The following EIF2AK1 variants were observed in gnomAD, a reference collection of about 807,000 sequenced individuals.
EIF2AK1 encodes eukaryotic translation initiation factor 2 alpha kinase 1, also known as eukaryotic translation initiation factor 2-alpha kinase 1.
In EIF2AK1, 54 loss-of-function variants were observed where a neutral mutation model predicts 77.9. The ratio of observed to expected loss-of-function variants is 0.69; its 90% CI spans 0.56 to 0.87. EIF2AK1 has a LOEUF of 0.87. EIF2AK1 is among the 40% of genes least tolerant of loss of function. EIF2AK1 has a pLI of 0.00. For synonymous variants in EIF2AK1, 314 were observed against 290.5 expected (o/e 1.08, Z -0.82); for missense variants, 810 against 768.6 (o/e 1.05, Z -0.64).
At position 6,047,074 on chromosome 7, in the gene EIF2AK1, A is replaced by T; in HGVS notation, c.467T>A (p.Leu156Ter). Reference sequence around the variant, plus strand: ...TAAGTAACGTGAAGTTTGTGCTTCCAAGGCTACTTCCCTTGATCTGAAAGT... The same window carrying T: ...TAAGTAACGTGAAGTTTGTGCTTCCTAGGCTACTTCCCTTGATCTGAAAGT... ...IQKIRSREVA[L>*]EAQTSRYLNE... The change falls in exon 5 of 15, where the codon TTG becomes TAG. Residue 156 changes from leucine to a stop codon, truncating the protein, a stop_gained. Coordinates refer to ENST00000199389, the MANE Select transcript of EIF2AK1 (RefSeq NM_014413.4). LOFTEE classifies it high-confidence loss of function. 6.2e-7 allele frequency: 1 copy of T among 1,613,018 alleles called. No individual in the cohort carries two copies. The highest frequency in any genetic ancestry group is 8.5e-7 in the Non-Finnish European group (1 of 1,179,710).
chr7:6,047,242 C>T (rs1434530928), intron 4 of EIF2AK1, 151 bp from the exon 5 acceptor site: 4 of 835,576 alleles, frequency 4.8e-6, no homozygotes, highest in South Asian at 1.4e-5. Context: ...TGAAATTTTT[C>T]ATCCCTATGA....
At chr7:6,046,726 AC>A (rs1562754822) in intron 5 of EIF2AK1, 2 of 281,376 alleles carry the variant, frequency 7.1e-6, no homozygotes, top group Non-Finnish European at 1.3e-5. Flanking sequence ...ACACGGTGAA[AC>A]CCCGTCTCTA....
In EIF2AK1 at chr7:6,035,613, C is replaced by T; in HGVS notation, c.1332+1811G>A. ...TGCGCACGGAGCTCAAGTGAACACT[C>T]AAGGGGAAATCAGCAACAAACGTTC... On this transcript the variant is annotated intron_variant, in intron 11 of 14. Transcript: ENST00000199389. This position sits in a 1 kb window ranked among gnomAD's most constrained non-coding sequence, Gnocchi z 5.5. 1 of 1,550,932 alleles carries T rather than the reference C, an allele frequency of 6.4e-7. No homozygotes were observed. The highest frequency in any genetic ancestry group is 8.7e-7 in the Non-Finnish European group (1 of 1,147,102).
At chr7:6,039,495 G>A (rs1788228681) in intron 9 of EIF2AK1, among the ~76,000 whole-genome samples, 1 of 151,882 alleles carries the variant, frequency 6.6e-6, no homozygotes, top group African/African-American at 2.4e-5. Flanking sequence ...AGTGGCGCGT[G>A]CCTGTAATCC....
Position 6,023,674 on chromosome 7 carries a change from C to T in EIF2AK1, c.*999G>A, listed in dbSNP as rs751316385. 2 of 1,614,000 alleles carry T rather than the reference C, an allele frequency of 1.2e-6. No homozygotes were observed. Among genetic ancestry groups the T allele is most frequent in the African/African-American group, 2.7e-5 (2 of 74,892 alleles). ...AAACCTGGCTCCTTTTAACACGGCC[C>T]TCAAGCTCCTTAAGTGAATTGCCGT... On this transcript the variant is annotated 3_prime_UTR_variant, in exon 15 of 15. Transcript: ENST00000199389.
At position 6,022,546 on chromosome 7, in the gene EIF2AK1, T is replaced by C. The variant is rs1787502546; in HGVS notation, c.*2127A>G. ...GACATTCTGTGGCATACTGGCCACA[T>C]AGCGATTTGCATCAGGTCAGATATT... On this transcript the variant is annotated 3_prime_UTR_variant, in exon 15 of 15. Transcript: ENST00000199389. 6.6e-6 allele frequency: 1 copy of C among 152,212 alleles called. No individual in the cohort carries two copies. The highest frequency in any genetic ancestry group is 2.1e-4 in the South Asian group (1 of 4,834). 9.4% of individuals were successfully genotyped at this position (152,212 alleles called of 1,614,324 possible).
chr7:6,057,121 C>T (rs1354148017), intron 1 of EIF2AK1, among the ~76,000 whole-genome samples: 1 of 146,130 alleles, frequency 6.8e-6, no homozygotes, highest in Non-Finnish European at 1.5e-5. Context: ...AAGGAGACCC[C>T]ATCTCTTTTT....
At chr7:6,054,018 T>C (rs529837283) in intron 2 of EIF2AK1, among the ~76,000 whole-genome samples, 69 of 151,948 alleles carry the variant, frequency 4.5e-4, no homozygotes, top group African/African-American at 1.6e-3. Context: ...TTGTTGACTG[T>C]AGTCACTCTG....
In EIF2AK1 at chr7:6,032,829, C is replaced by A. The variant is rs1583480071; in HGVS notation, c.1333-3797G>T. ...GGCCACTTGTAATGTGTTTTGTTTT[C>A]CCTCCAAAGCCGACAGAGTCTATCA... On this transcript the variant is annotated intron_variant, in intron 11 of 14. Transcript: ENST00000199389. The surrounding 1 kb of genome is among the most constrained non-coding windows in gnomAD (Gnocchi z 4.3). 1 of 1,548,752 alleles carries A rather than the reference C, an allele frequency of 6.5e-7. No individual in the cohort carries two copies. Among genetic ancestry groups the A allele is most frequent in the East Asian group, 2.4e-5 (1 of 40,906 alleles).
rs942001576 is a variant in EIF2AK1 at position 6,035,616 on chromosome 7, G to A, written c.1332+1808C>T. 2.6e-6 allele frequency: 4 copies of A among 1,550,930 alleles called. No individual in the cohort carries two copies. In the South Asian group the frequency reaches 4.8e-5, roughly 18 times the overall value. On this transcript the variant is annotated intron_variant, in intron 11 of 14. Coordinates refer to ENST00000199389, the MANE Select transcript of EIF2AK1 (RefSeq NM_014413.4). This position sits in a 1 kb window ranked among gnomAD's most constrained non-coding sequence, Gnocchi z 5.5. ...GCACGGAGCTCAAGTGAACACTCAA[G>A]GGGAAATCAGCAACAAACGTTCACC...
intron 2 of EIF2AK1, 110 bp from the exon 3 acceptor site, chr7:6,050,155 C>T: frequency 1.2e-6 from 1 of 818,162 alleles, no homozygotes; most frequent in East Asian, 2.8e-5. Context: ...ACAAAAACCT[C>T]AATAGGAAAA....
At chr7:6,043,069 T>C (rs1288730161) in intron 7 of EIF2AK1, 76 bp from the exon 8 acceptor site, 23 of 1,398,370 alleles carry the variant, frequency 1.6e-5, no homozygotes, top group South Asian at 1.2e-5. Flanking sequence ...AGTTAAAATA[T>C]ACAAATAGTG....
intron 2 of EIF2AK1, among the ~76,000 whole-genome samples, chr7:6,051,558 TAGCTGGGATTACAGGCACCC>T (rs1233726784): frequency 6.6e-6 from 1 of 151,980 alleles, no homozygotes; most frequent in East Asian, 1.9e-4. Flanking sequence ...CCCTCCCAAG[TAGCTGGGATTACAGGCACCC>T]GCCAACATAC....
At position 6,044,604 on chromosome 7, in the gene EIF2AK1, G is replaced by C; in HGVS notation, c.688C>G (p.His230Asp). The C allele has an allele frequency of 6.2e-7, 1 of 1,614,118 alleles. No individual in the cohort carries two copies. The highest frequency in any genetic ancestry group is 8.5e-7 in the Non-Finnish European group (1 of 1,180,008). ...TGAACATGTTCTATCCACGCGGTGTGATAGCCAACAATATTGGGGTGCTGA... is the reference window on the plus strand; with the variant it reads ...TGAACATGTTCTATCCACGCGGTGTCATAGCCAACAATATTGGGGTGCTGA... ...GLQHPNIVGY[H>D]TAWIEHVHVI... The change falls in exon 7 of 15, where the codon CAC (histidine) becomes GAC (aspartate). Residue 230 changes from histidine (H) to aspartate (D), a missense_variant. Coordinates refer to ENST00000199389, the MANE Select transcript of EIF2AK1 (RefSeq NM_014413.4).
chr7:6,050,960 T>C (rs1314104380), intron 2 of EIF2AK1, among the ~76,000 whole-genome samples: 1 of 151,998 alleles, frequency 6.6e-6, no homozygotes, highest in Non-Finnish European at 1.5e-5. Flanking sequence ...GTCAGTAAAG[T>C]ACTAAGCCAT....
rs1018572775 is a variant in EIF2AK1 at position 6,053,175 on chromosome 7, C to T, written c.277+1371G>A. The stretch of plus-strand genomic sequence containing the variant: ...CGCTTTCCAGACTCACAGCATTAAA[C>T]AACATATTTTTATTTTGTATTTTTA... On this transcript the variant is annotated intron_variant, in intron 2 of 14. Coordinates refer to ENST00000199389, the MANE Select transcript of EIF2AK1 (RefSeq NM_014413.4). 2.0e-5 allele frequency among the ~76,000 whole-genome samples: 3 copies of T among 152,070 alleles called. No homozygotes were observed. In the South Asian group the frequency reaches 6.2e-4, roughly 32 times the overall value.
rs975785000 is a variant in EIF2AK1 at position 6,049,630 on chromosome 7, T to C, written c.411+282A>G. Among the ~76,000 whole-genome samples, 5 of 136,958 alleles carry C rather than the reference T, an allele frequency of 3.7e-5. 1 individual carries two copies. Among genetic ancestry groups the C allele is most frequent in the Admixed American group, 2.9e-4 (4 of 13,644 alleles). 89.8% of individuals were successfully genotyped at this position (136,958 alleles called of 152,430 possible). On this transcript the variant is annotated intron_variant, in intron 3 of 14. Coordinates refer to ENST00000199389, the MANE Select transcript of EIF2AK1 (RefSeq NM_014413.4). ...GCCTCTCCTTTGCCTCTCCTCTCTT[T>C]TTTTTTTTTTTTTTCAGGCAGGTTC...
intron 14 of EIF2AK1, 158 bp downstream of exon 14, chr7:6,026,570 G>A (rs1260059412): frequency 1.4e-6 from 1 of 724,116 alleles, no homozygotes; most frequent in Admixed American, 2.0e-5. Flanking sequence ...GCAGCTGAGT[G>A]CCAGGAAGTG....
intron 8 of EIF2AK1, among the ~76,000 whole-genome samples, chr7:6,042,135 C>T (rs1788316737): frequency 6.6e-6 from 1 of 152,060 alleles, no homozygotes; most frequent in Admixed American, 6.6e-5. Context: ...GACAAAAGAG[C>T]AAGATCCTGT....
Sources: allele counts gnomAD v4.1 joint callset (sites outside exome capture counted in the v4.1 genomes callset), GRCh38; gene constraint gnomAD v4.1.1; non-coding constraint Gnocchi (gnomAD v3.1); transcripts MANE v1.5; gene names NCBI Gene and HGNC (gene_info 2026-07-23, HGNC 2026-07-21).